The following USP34 variants were observed in gnomAD, a reference collection of about 807,000 sequenced individuals.
USP34 encodes the protein ubiquitin carboxyl-terminal hydrolase 34.
Under a neutral mutation model 460.3 loss-of-function variants are expected in USP34, and 70 were observed. That is an observed-to-expected ratio of 0.15 (90% CI 0.13 to 0.19). The LOEUF (loss-of-function observed/expected upper bound fraction) is 0.19, where lower values mean the gene tolerates loss of function less well. Ranked by LOEUF, USP34 falls within the 10% of genes least tolerant of loss-of-function variation. The probability of loss-of-function intolerance (pLI) is 1.00; values close to 1 mark genes in which losing one functional copy is unlikely to be tolerated. For missense variants in USP34, 3,985 were observed against 4,236.2 expected (o/e 0.94, Z 1.65); for synonymous variants, 1,647 against 1,405.3 (o/e 1.17, Z -3.85).
chr2:61,320,745 C>T (rs1438887399), intron 21 of USP34, among the ~76,000 whole-genome samples: 1 of 152,062 alleles, frequency 6.6e-6, no homozygotes, highest in Non-Finnish European at 1.5e-5. Flanking sequence ...CGTGGTGGCT[C>T]ACGCCTGTAA....
In USP34 at chr2:61,221,576, T is replaced by C. The variant is rs767807804; in HGVS notation, c.7825A>G (p.Met2609Val). Residue 2609 changes from methionine to valine, a missense_variant, in exon 66 of 80, where the codon ATG becomes GTG. This residue lies in a region of USP34 where 604 missense variants were observed against 684.8 expected (regional missense o/e 0.88). Transcript: ENST00000398571. ...GGTCCACCAGCAAACTCCATTAGCA[T>C]AGTCAACAACTTAAAGAAAGGATTG... ...AANPFFKLLT[M>V]LMEFAGGPPG... The C allele has an allele frequency of 1.2e-6, 2 of 1,614,112 alleles. No homozygotes were observed. The highest frequency in any genetic ancestry group is 1.7e-6 in the Non-Finnish European group (2 of 1,179,964).
At chr2:61,425,085 C>T (rs939937718) in intron 1 of USP34, among the ~76,000 whole-genome samples, 2 of 152,136 alleles carry the variant, frequency 1.3e-5, no homozygotes, top group African/African-American at 4.8e-5. Flanking sequence ...CCTGGGATTA[C>T]AGGTGTGGCC....
intron 41 of USP34, among the ~76,000 whole-genome samples, chr2:61,272,886 T>C (rs950768987): frequency 1.3e-5 from 2 of 152,182 alleles, no homozygotes; most frequent in African/African-American, 4.8e-5. Flanking sequence ...TTGCAGATGA[T>C]TGTGACATGA....
intron 75 of USP34, among the ~76,000 whole-genome samples, chr2:61,193,523 G>A (rs1023205965): frequency 4.6e-5 from 7 of 152,048 alleles, no homozygotes; most frequent in African/African-American, 1.2e-4. Context: ...TGAGTGGACC[G>A]CATCTGGCAC....
rs746434197 is a variant in USP34 at position 61,348,143 on chromosome 2, G to C, written c.2012C>G (p.Thr671Arg). 1 of 1,614,196 alleles carries C rather than the reference G, an allele frequency of 6.2e-7. No homozygotes were observed. Among genetic ancestry groups the C allele is most frequent in the Non-Finnish European group, 8.5e-7 (1 of 1,180,026 alleles). ...AGTGTTAAAAACCAGGTCCTTTCCTGTTCCGCTGCTTGTCCCATTTCTTTC... is the reference window on the plus strand; with the variant it reads ...AGTGTTAAAAACCAGGTCCTTTCCTCTTCCGCTGCTTGTCCCATTTCTTTC... Reference protein sequence around the residue: ...MSERNGTSSGTGKDLVFNTES... With the variant: ...MSERNGTSSGRGKDLVFNTES... Residue 671 changes from threonine to arginine, a missense_variant, in exon 15 of 80, where the codon ACA becomes AGA. Thr to Arg is a moderately conservative substitution (Grantham distance 71). This residue lies in a region of USP34 where 716 missense variants were observed against 626.2 expected (regional missense o/e 1.14). Coordinates refer to ENST00000398571, the MANE Select transcript of USP34 (RefSeq NM_014709.4).
At chr2:61,364,350 G>A (rs553581875) in intron 10 of USP34, among the ~76,000 whole-genome samples, 6 of 152,330 alleles carry the variant, frequency 3.9e-5, no homozygotes, top group African/African-American at 1.4e-4. Flanking sequence ...AAGTGATACA[G>A]CAAGACGCTG....
In USP34 at chr2:61,406,057, T is replaced by C. The variant is rs576557007; in HGVS notation, c.203A>G (p.Asn68Ser). 6.2e-7 allele frequency: 1 copy of C among 1,613,834 alleles called. No homozygotes were observed. The highest frequency in any genetic ancestry group is 1.1e-5 in the South Asian group (1 of 91,062). Residue 68 changes from asparagine to serine, a missense_variant, in exon 3 of 80, where the codon AAC (asparagine) becomes AGC (serine). Asn to Ser is a conservative substitution (Grantham distance 46, BLOSUM62 1). Transcript: ENST00000398571. ...CACTTGAACTTGGGCAATCACTAAG[T>C]TAATAAGTGCACACACTACTTGATT... Reference protein sequence around the residue: ...IFNQVVCALINLVIAQVQVLR... With the variant: ...IFNQVVCALISLVIAQVQVLR...
intron 43 of USP34, 38 bp downstream of exon 43, chr2:61,265,359 G>T (rs914323675): frequency 6.4e-7 from 1 of 1,567,678 alleles, no homozygotes; most frequent in Non-Finnish European, 8.6e-7. Flanking sequence ...TTAAAATCTG[G>T]TTTATAATTT....
At chr2:61,452,035 G>A (rs909225674) in intron 1 of USP34, among the ~76,000 whole-genome samples, 4 of 151,706 alleles carry the variant, frequency 2.6e-5, no homozygotes, top group East Asian at 2.0e-4. Context: ...TTAGCCGGGC[G>A]TGGTGGCGGG....
At chr2:61,407,913 G>A (rs896030069) in intron 2 of USP34, among the ~76,000 whole-genome samples, 7 of 152,048 alleles carry the variant, frequency 4.6e-5, no homozygotes, top group African/African-American at 1.7e-4. Context: ...TCAGGATTTC[G>A]AGATCAGCCT....
At chr2:61,391,603 C>G (rs1693348799) in intron 5 of USP34, among the ~76,000 whole-genome samples, 2 of 152,038 alleles carry the variant, frequency 1.3e-5, no homozygotes, top group Admixed American at 1.3e-4. Flanking sequence ...CAGAGATTCC[C>G]AAATAGAGAC....
At chr2:61,339,761 C>A in intron 16 of USP34, 80 bp from the exon 17 acceptor site, 1 of 630,734 alleles carries the variant, frequency 1.6e-6, no homozygotes, top group Non-Finnish European at 2.4e-6. Flanking sequence ...TTAGCAAATC[C>A]AAAGAAAAGT....
At chr2:61,229,779 C>A in intron 58 of USP34, 146 bp from the exon 59 acceptor site, 3 of 603,158 alleles carry the variant, frequency 5.0e-6, no homozygotes, top group Non-Finnish European at 8.3e-6. Flanking sequence ...GGAGTCTCAA[C>A]AATGGACTAA....
Position 61,198,320 on chromosome 2 carries a change from A to G in USP34, c.9508+4820T>C, listed in dbSNP as rs113382948. 2.0e-3 allele frequency among the ~76,000 whole-genome samples: 310 copies of G among 152,104 alleles called. 2 individuals carry two copies. The highest frequency in any genetic ancestry group is 7.2e-3 in the African/African-American group (300 of 41,542). ...GTAATTCAATGAACATGCCTGTCTTATTTGTTTTCATGTCTCAATATAGGT... is the reference window on the plus strand; with the variant it reads ...GTAATTCAATGAACATGCCTGTCTTGTTTGTTTTCATGTCTCAATATAGGT... On this transcript the variant is annotated intron_variant, in intron 75 of 79. Coordinates refer to ENST00000398571, the MANE Select transcript of USP34 (RefSeq NM_014709.4).
At chr2:61,235,991 A>AT in intron 56 of USP34, 35 bp downstream of exon 56, 2 of 1,599,432 alleles carry the variant, frequency 1.3e-6, no homozygotes, top group Non-Finnish European at 8.5e-7. Flanking sequence ...ATAAAAACAT[A>AT]AATGACAAAA....
At chr2:61,461,440 A>G (rs904681749) in intron 1 of USP34, among the ~76,000 whole-genome samples, 5 of 146,504 alleles carry the variant, frequency 3.4e-5, no homozygotes, top group African/African-American at 1.1e-4. Context: ...TGAAATACAG[A>G]AAAAAAAACA....
intron 34 of USP34, among the ~76,000 whole-genome samples, chr2:61,287,236 A>G (rs1011448482): frequency 6.6e-6 from 1 of 152,270 alleles, no homozygotes; most frequent in East Asian, 1.9e-4. Context: ...GTCCGTCACA[A>G]TCTATCAGTA....
intron 62 of USP34, chr2:61,223,718 G>C (rs1393854745): frequency 5.7e-6 from 1 of 176,248 alleles, no homozygotes; most frequent in East Asian, 1.7e-4. Context: ...CTGTTGCCCA[G>C]GCGGGAATGC....
At chr2:61,448,759 C>G (rs1005928672) in intron 1 of USP34, among the ~76,000 whole-genome samples, 2 of 152,124 alleles carry the variant, frequency 1.3e-5, no homozygotes, top group African/African-American at 4.8e-5. Flanking sequence ...TATATATTAG[C>G]AATGAACAAT....
Sources: allele counts gnomAD v4.1 joint callset (sites outside exome capture counted in the v4.1 genomes callset), GRCh38; gene constraint gnomAD v4.1.1; regional missense constraint gnomAD v4.1.1; transcripts MANE v1.5; gene names NCBI Gene and HGNC (gene_info 2026-07-23, HGNC 2026-07-21).